The following ACOT11 variants were observed in gnomAD, a reference collection of about 807,000 sequenced individuals.
ACOT11 encodes acyl-coenzyme A thioesterase 11.
Under a neutral mutation model 77.5 loss-of-function variants are expected in ACOT11, and 69 were observed. The observed-to-expected ratio is 0.89, with a 90% CI of 0.73 to 1.09. ACOT11 has a LOEUF of 1.09. Among genes scored for constraint, ACOT11 ranks in the 50% least tolerant of loss-of-function variants. ACOT11 has a pLI of 0.00. For missense variants in ACOT11, 766 were observed against 813.7 expected (o/e 0.94, Z 0.71); for synonymous variants, 279 against 313.0 (o/e 0.89, Z 1.15).
Position 54,607,324 on chromosome 1 carries a change from G to A in ACOT11, c.1502+59G>A, listed in dbSNP as rs1022022861. On this transcript the variant is annotated intron_variant, in intron 14 of 15. Transcript: ENST00000343744. The surrounding 1 kb of genome is among the most constrained non-coding windows in gnomAD (Gnocchi z 4.5). ...AACTGGACAGGGTGGTAGGGTGGCC[G>A]CTTCTCCCTCCCAGGGAAGGGCATC... The A allele has an allele frequency of 6.1e-5, 97 of 1,594,926 alleles. No individual in the cohort carries two copies. The South Asian group carries it at 9.0e-4, about 15-fold the overall frequency.
intron 1 of ACOT11, among the ~76,000 whole-genome samples, chr1:54,550,669 A>T (rs2100932146): frequency 6.7e-6 from 1 of 149,396 alleles, no homozygotes; most frequent in South Asian, 2.1e-4. Context: ...CGAAAAAAAA[A>T]ATAGCTGGGC....
chr1:54,568,704 A>T (rs993695065), intron 1 of ACOT11, among the ~76,000 whole-genome samples: 1 of 152,096 alleles, frequency 6.6e-6, no homozygotes, highest in Non-Finnish European at 1.5e-5. Context: ...TGGGGGGCCC[A>T]GTGTGGACTG....
rs1372592180 is a variant in ACOT11, at chr1:54,609,751, C to G, written c.*639C>G. Reference sequence around the variant, plus strand: ...GGCTGGAGAGGCGTGCCAGCAAGGCCAGGGATGGCCGGAGGGCTGCGGGCT... The same window carrying G: ...GGCTGGAGAGGCGTGCCAGCAAGGCGAGGGATGGCCGGAGGGCTGCGGGCT... On this transcript the variant is annotated 3_prime_UTR_variant, in exon 16 of 16. Coordinates refer to ENST00000343744, the MANE Select transcript of ACOT11 (RefSeq NM_147161.4). 6.2e-7 allele frequency: 1 copy of G among 1,614,188 alleles called. No homozygotes were observed. The highest frequency in any genetic ancestry group is 1.1e-5 in the South Asian group (1 of 91,088).
At chr1:54,605,628 G>C (rs1644015970) in intron 13 of ACOT11, among the ~76,000 whole-genome samples, 1 of 152,168 alleles carries the variant, frequency 6.6e-6, no homozygotes, top group African/African-American at 2.4e-5. Flanking sequence ...GGAGTTGGAA[G>C]GATGAAGGGT....
In ACOT11 at chr1:54,620,845, C is replaced by CAAAAA. The variant is rs767625864; in HGVS notation, c.1630-9861_1630-9857dup. 1.5e-3 allele frequency among the ~76,000 whole-genome samples: 18 copies of CAAAAA among 12,126 alleles called. 3 individuals carry two copies. The highest frequency in any genetic ancestry group is 2.8e-3 in the African/African-American group (9 of 3,196). The allele number at this position is 12,126 out of a possible 152,430, so 8.0% of individuals were successfully genotyped here. On this transcript the variant is annotated intron_variant, in intron 15 of 16. Transcript: ENST00000371316. ...CCTGGATGACACAAAGAGACTCTGTCAAAAAAAAAAAAAAAAAAAAAAAAA... is the reference window on the plus strand; with the variant it reads ...CCTGGATGACACAAAGAGACTCTGTCAAAAAAAAAAAAAAAAAAAAAAAAAAAAAA...
chr1:54,626,109 A>C (rs1360406141), intron 15 of ACOT11, among the ~76,000 whole-genome samples: 2 of 151,328 alleles, frequency 1.3e-5, no homozygotes, highest in Non-Finnish European at 2.9e-5. Context: ...AAAATACAAA[A>C]ATTAGCTGGG....
chr1:54,624,370 G>A (rs916592536), intron 15 of ACOT11, among the ~76,000 whole-genome samples: 2 of 151,408 alleles, frequency 1.3e-5, no homozygotes, highest in South Asian at 2.1e-4. Flanking sequence ...CTGAGGGGTG[G>A]AGGGGCAGGG....
chr1:54,604,089 G>A (rs1029291186), intron 11 of ACOT11, 152 bp downstream of exon 11: 14 of 785,298 alleles, frequency 1.8e-5, no homozygotes, highest in Middle Eastern at 3.4e-4. Flanking sequence ...GCTGGCCTGC[G>A]TCCCTGTTTG....
At chr1:54,587,648 A>T (rs531005396) in intron 3 of ACOT11, among the ~76,000 whole-genome samples, 3 of 116,422 alleles carry the variant, frequency 2.6e-5, no homozygotes, top group Non-Finnish European at 4.8e-5. Flanking sequence ...TGCAACCTCC[A>T]CCTCCTGGGT....
At position 54,605,203 on chromosome 1, in the gene ACOT11, A is replaced by G. The variant is rs370580842; in HGVS notation, c.1364A>G (p.His455Arg). ...DLRQRPEWDK[H>R]YRSVELVQQV... ...CGTCAGAGGCCAGAGTGGGACAAGC[A>G]CTACCGGTGAGGGGCCAGGGTGAGG... The change falls in exon 13 of 16, where the codon CAC becomes CGC. Residue 455 changes from histidine (H) to arginine (R), a missense_variant. Physicochemically the swap from His to Arg is conservative, Grantham distance 29. Coordinates refer to ENST00000343744, the MANE Select transcript of ACOT11 (RefSeq NM_147161.4). The G allele has an allele frequency of 3.7e-6, 6 of 1,613,038 alleles. No individual in the cohort carries two copies. The African/African-American group carries it at 6.7e-5, about 18-fold the overall frequency.
downstream of ACOT11, chr1:54,614,926 A>G: frequency 1.3e-6 from 2 of 1,508,078 alleles, no homozygotes; most frequent in Non-Finnish European, 9.0e-7. Context: ...CTCCCTGGGC[A>G]GAAAGCAGAG....
At chr1:54,554,313 G>A (rs180732761) in intron 1 of ACOT11, among the ~76,000 whole-genome samples, 24,069 of 94,578 alleles carry the variant, frequency 0.25, 2,957 homozygotes, top group Non-Finnish European at 0.3. Flanking sequence ...GTGTGTGTGT[G>A]TGTGTGTGTG....
chr1:54,611,909 G>A (rs978907267), downstream of ACOT11, among the ~76,000 whole-genome samples: 10 of 152,130 alleles, frequency 6.6e-5, no homozygotes, highest in African/African-American at 2.4e-4. Context: ...CCAAGGGCAG[G>A]AGCCAGAGGG....
chr1:54,562,315 G>T (rs1332482068), intron 1 of ACOT11, among the ~76,000 whole-genome samples: 2 of 109,290 alleles, frequency 1.8e-5, no homozygotes, highest in Non-Finnish European at 3.8e-5. Context: ...CGGGTGGGGG[G>T]GCTGACCCCC....
At chr1:54,603,978 C>A in intron 11 of ACOT11, 41 bp downstream of exon 11, 1 of 1,587,696 alleles carries the variant, frequency 6.3e-7, no homozygotes, top group Non-Finnish European at 8.6e-7. Flanking sequence ...TCAGACCCAC[C>A]GGGCCCCCAC....
At position 54,604,549 on chromosome 1, in the gene ACOT11, T is replaced by C; in HGVS notation, c.1236+120T>C. On this transcript the variant is annotated intron_variant, in intron 12 of 15. Transcript: ENST00000343744. ...AAAAAGATCTCTTCAAAGAATTGGG[T>C]GAGATCAAGAAACCAGTCCAGTTAT... The C allele has an allele frequency of 3.1e-6, 3 of 968,604 alleles. No individual in the cohort carries two copies. In the Admixed American group the frequency reaches 6.5e-5, roughly 21 times the overall value. 60.0% of individuals were successfully genotyped at this position (968,604 alleles called of 1,614,324 possible).
chr1:54,607,711 C>T lies in ACOT11; in HGVS notation c.1503-231C>T, dbSNP rs984785899. On this transcript the variant is annotated intron_variant, in intron 14 of 15. Transcript: ENST00000343744. The surrounding 1 kb of genome is among the most constrained non-coding windows in gnomAD (Gnocchi z 4.5). Reference sequence around the variant, plus strand: ...TGGAGTGGCTTTTCCAGAAAGTCCACAGTGAAGTCAGGTTGGCTCCTGGTG... The same window carrying T: ...TGGAGTGGCTTTTCCAGAAAGTCCATAGTGAAGTCAGGTTGGCTCCTGGTG... Among the ~76,000 whole-genome samples, 1 of 152,080 alleles carries T rather than the reference C, an allele frequency of 6.6e-6. No homozygotes were observed. The highest frequency in any genetic ancestry group is 1.5e-5 in the Non-Finnish European group (1 of 67,998).
intron 15 of ACOT11, chr1:54,616,262 T>A: frequency 8.7e-7 from 1 of 1,147,538 alleles, no homozygotes; most frequent in Non-Finnish European, 1.2e-6. Context: ...TTACAGAACA[T>A]TTGAGAAATA....
chr1:54,569,122 A>AC (rs1248371185), intron 1 of ACOT11, among the ~76,000 whole-genome samples: 6 of 144,818 alleles, frequency 4.1e-5, no homozygotes, highest in Non-Finnish European at 7.4e-5. Flanking sequence ...CGAAAAAAAA[A>AC]AAATAATTTT....
Sources: allele counts gnomAD v4.1 joint callset (sites outside exome capture counted in the v4.1 genomes callset), GRCh38; gene constraint gnomAD v4.1.1; non-coding constraint Gnocchi (gnomAD v3.1); transcripts MANE v1.5; gene names NCBI Gene and HGNC (gene_info 2026-07-23, HGNC 2026-07-21).